The following SYNE1 variants were observed in gnomAD, a reference collection of about 807,000 sequenced individuals.
SYNE1 encodes the protein nesprin-1.
A neutral mutation model predicts 1,111.0 loss-of-function variants in SYNE1; 616 were observed. The ratio of observed to expected loss-of-function variants is 0.55; its 90% CI spans 0.52 to 0.59. SYNE1 has a LOEUF of 0.59. Among genes scored for constraint, SYNE1 ranks in the 20% least tolerant of loss-of-function variants. The probability of loss-of-function intolerance (pLI) is 0.00; values close to 1 mark genes in which losing one functional copy is unlikely to be tolerated. For synonymous variants in SYNE1, 3,855 were observed against 3,825.8 expected, an observed-to-expected ratio of 1.01 and a Z score of -0.28; for missense variants, 10,006 against 10,417.0, an observed-to-expected ratio of 0.96 and a Z score of 1.72.
intron 39 of SYNE1, among the ~76,000 whole-genome samples, chr6:152,424,524 G>T (rs1461805872): frequency 6.6e-6 from 1 of 152,104 alleles, no homozygotes; most frequent in Non-Finnish European, 1.5e-5. Flanking sequence ...AATACTTCGT[G>T]TTCACCCCTC....
intron 14 of SYNE1, among the ~76,000 whole-genome samples, chr6:152,474,153 C>A (rs928088399): frequency 1.3e-5 from 2 of 150,710 alleles, no homozygotes; most frequent in African/African-American, 4.9e-5. Flanking sequence ...CCATTGCACT[C>A]CAGCCTGGGC....
At chr6:152,263,377 T>C (rs979052867) in intron 100 of SYNE1, among the ~76,000 whole-genome samples, 8 of 151,874 alleles carry the variant, frequency 5.3e-5, no homozygotes, top group African/African-American at 1.9e-4. Flanking sequence ...ACATCTGAGA[T>C]TGGTATGGCT....
At chr6:152,560,178 C>T (rs372816100) in intron 3 of SYNE1, among the ~76,000 whole-genome samples, 8 of 151,982 alleles carry the variant, frequency 5.3e-5, no homozygotes, top group Admixed American at 2.6e-4. Context: ...CATGGTGAAA[C>T]CCCATCTCTA....
chr6:152,353,739 C>T lies in SYNE1; in HGVS notation c.10932G>A (p.Trp3644Ter). Reference sequence around the variant, plus strand: ...CTCTGTATGCAGTCACTTCTTCGTGCCACTTCTGAAATGACAAAGTATCGA... The same window carrying T: ...CTCTGTATGCAGTCACTTCTTCGTGTCACTTCTGAAATGACAAAGTATCGA... ...KEIQLHQMKK[W>*]HEEVTAYRDE... is the part of the protein sequence containing the mutation. The change falls in exon 68 of 146, where the codon TGG (tryptophan) becomes TGA (stop). Residue 3644 changes from tryptophan to a stop codon, truncating the protein, a stop_gained. Transcript: ENST00000367255. LOFTEE classifies it high-confidence loss of function. 1 of 1,613,962 alleles carries T rather than the reference C, an allele frequency of 6.2e-7. No homozygotes were observed. The highest frequency in any genetic ancestry group is 8.5e-7 in the Non-Finnish European group (1 of 1,180,044).
chr6:152,259,851 C>T (rs778548563), intron 101 of SYNE1, among the ~76,000 whole-genome samples: 4 of 152,046 alleles, frequency 2.6e-5, no homozygotes, highest in Non-Finnish European at 5.9e-5. Context: ...AAACAAAGCA[C>T]TCAAATGCAA....
In SYNE1 at chr6:152,122,643, A is replaced by C; in HGVS notation, c.26187T>G (p.Ser8729=). 1 of 1,614,124 alleles carries C rather than the reference A, an allele frequency of 6.2e-7. No individual in the cohort carries two copies. The highest frequency in any genetic ancestry group is 8.5e-7 in the Non-Finnish European group (1 of 1,179,982). Residue 8729 remains serine (S), a synonymous_variant, in exon 146 of 146, where the codon TCT becomes TCG. Transcript: ENST00000367255. ...GGCCGGACCGACCTGGCCCTGGCTC[A>C]GAAAGGGAGGAATCGGAGCCACCTT... The part of the protein sequence containing the change: ...STKGGSDSSL[S]EPGPGRSGRG...
At chr6:152,360,181 G>A (rs142535602) in intron 64 of SYNE1, among the ~76,000 whole-genome samples, 11 of 152,212 alleles carry the variant, frequency 7.2e-5, no homozygotes, top group Middle Eastern at 3.4e-3. Context: ...CAATGCTGCC[G>A]GGATCAAGTG....
Position 152,396,879 on chromosome 6 carries a change from GCTA to G in SYNE1, c.7449_7451del (p.Ser2484del), listed in dbSNP as rs2097739757. On this transcript the variant is annotated inframe_deletion, in exon 50 of 146. Transcript: ENST00000367255. ...TGGCCTTTGTGATTTGTTCTTGAAT[GCTA>G]CTGACAATTTGTTTAGACAAATGTG... is the stretch of plus-strand genomic sequence containing the variant. The G allele has an allele frequency of 1.2e-6, 2 of 1,614,154 alleles. No homozygotes were observed.
intron 3 of SYNE1, among the ~76,000 whole-genome samples, chr6:152,551,267 G>A (rs748968151): frequency 2.0e-5 from 3 of 152,050 alleles, no homozygotes; most frequent in African/African-American, 4.8e-5. Context: ...CCATTAACTC[G>A]GATGTGAACA....
At chr6:152,390,960 T>G (rs969121626) in intron 52 of SYNE1, among the ~76,000 whole-genome samples, 2 of 152,190 alleles carry the variant, frequency 1.3e-5, no homozygotes, top group Non-Finnish European at 2.9e-5. Flanking sequence ...TGTGAACTCC[T>G]AGAAAATGGG....
chr6:152,431,625 A>G (rs1351058196), intron 34 of SYNE1, among the ~76,000 whole-genome samples: 1 of 152,156 alleles, frequency 6.6e-6, no homozygotes, highest in Non-Finnish European at 1.5e-5. Flanking sequence ...ATCAAAATAC[A>G]TCAAAAATTC....
intron 2 of SYNE1, among the ~76,000 whole-genome samples, chr6:152,634,692 A>G (rs1217287204): frequency 6.6e-6 from 1 of 152,274 alleles, no homozygotes; most frequent in Non-Finnish European, 1.5e-5. Flanking sequence ...AGCAAAAGAC[A>G]AAGTGTATAG....
chr6:152,523,603 T>G (rs1024743474), intron 5 of SYNE1, among the ~76,000 whole-genome samples: 1 of 152,148 alleles, frequency 6.6e-6, no homozygotes, highest in Admixed American at 6.6e-5. Context: ...ATGTTGGTAT[T>G]TTGATAGGAA....
At position 152,208,134 on chromosome 6, in the gene SYNE1, C is replaced by T. The variant is rs2076862119; in HGVS notation, c.22662G>A (p.Arg7554=). ...GAATCTGGCTGTCAATGATCCCCCG[C>T]CTCTGCTGGGCCCTGCGAATCACTC... ...WQGVIRRAQQ[R]RGIIDSQIRQ... The change falls in exon 125 of 146, where the codon AGG becomes AGA. Residue 7554 remains arginine (R), a synonymous_variant. Coordinates refer to ENST00000367255, the MANE Select transcript of SYNE1 (RefSeq NM_182961.4). The T allele has an allele frequency of 1.2e-6, 2 of 1,613,974 alleles. No individual in the cohort carries two copies. The highest frequency in any genetic ancestry group is 1.7e-5 in the Admixed American group (1 of 60,002).
rs368809339 is a variant in SYNE1, at chr6:152,543,601, G to A, written c.68-3580C>T. ...GACAGGGAACAAAATGAACCTTCAC[G>A]ACTAGGTCTATAAAGTTCTTAAGTA... is the stretch of plus-strand genomic sequence containing the variant. On this transcript the variant is annotated intron_variant, in intron 3 of 145. Coordinates refer to ENST00000367255, the MANE Select transcript of SYNE1 (RefSeq NM_182961.4). Among the ~76,000 whole-genome samples the A allele has an allele frequency of 2.1e-4, 32 of 152,240 alleles. No homozygotes were observed. In the East Asian group the frequency reaches 6.0e-3, roughly 29 times the overall value.
At chr6:152,589,973 C>T (rs2099553929) in intron 3 of SYNE1, among the ~76,000 whole-genome samples, 2 of 150,542 alleles carry the variant, frequency 1.3e-5, no homozygotes, top group African/African-American at 4.9e-5. Flanking sequence ...CATTCTATCA[C>T]CCAGGCTAGG....
intron 78 of SYNE1, among the ~76,000 whole-genome samples, chr6:152,328,209 G>A (rs1324473161): frequency 1.3e-5 from 2 of 151,934 alleles, no homozygotes; most frequent in Admixed American, 6.6e-5. Flanking sequence ...ACTCAGATGT[G>A]CCCTCCTCCC....
chr6:152,385,383 TAGTATCTGGTTTTGTC>T (rs2097509593), intron 55 of SYNE1, among the ~76,000 whole-genome samples: 1 of 152,204 alleles, frequency 6.6e-6, no homozygotes, highest in South Asian at 2.1e-4. Context: ...TGCTAAACAA[TAGTATCTGGTTTTGTC>T]AGCCCACCAA....
rs2061288185 is a variant in SYNE1, at chr6:152,155,866, T to G, written c.23978+44A>C. 3 of 1,609,984 alleles carry G rather than the reference T, an allele frequency of 1.9e-6. No individual in the cohort carries two copies. In the African/African-American group the frequency reaches 4.0e-5, roughly 22 times the overall value. On this transcript the variant is annotated intron_variant, in intron 132 of 145. Coordinates refer to ENST00000367255, the MANE Select transcript of SYNE1 (RefSeq NM_182961.4). ...TACTCTGGGTGATTTTTATTTTCTT[T>G]TTGGTCTTTCCTCTTCCCTATCTGT... is the stretch of plus-strand genomic sequence containing the variant.
Sources: gnomAD v4.1 joint callset for allele counts (sites outside exome capture counted in the v4.1 genomes callset) on GRCh38, gnomAD v4.1.1 for gene constraint, MANE v1.5 for transcripts, NCBI Gene and HGNC (gene_info 2026-07-23, HGNC 2026-07-21) for gene names.